The following CDH4 variants were observed in gnomAD, a reference collection of about 807,000 sequenced individuals.
The protein encoded by CDH4 is cadherin-4.
Under a neutral mutation model 86.0 loss-of-function variants are expected in CDH4, and 33 were observed. The ratio of observed to expected loss-of-function variants is 0.38; its 90% CI spans 0.29 to 0.51. CDH4 has a LOEUF of 0.51. Ranked by LOEUF, CDH4 falls within the 20% of genes least tolerant of loss-of-function variation. The pLI, the probability that CDH4 is intolerant of heterozygous loss-of-function variation, is 0.86. For synonymous variants in CDH4, 555 were observed against 549.4 expected, an observed-to-expected ratio of 1.01 and a Z score of -0.14; for missense variants, 1,114 against 1,307.4, an observed-to-expected ratio of 0.85 and a Z score of 2.28.
At chr20:61,735,885 C>G (rs1453542688) in intron 2 of CDH4, among the ~76,000 whole-genome samples, 1 of 152,154 alleles carries the variant, frequency 6.6e-6, no homozygotes, top group African/African-American at 2.4e-5. Context: ...TCTTTGCAGC[C>G]AAATATTGAG....
At chr20:61,890,782 T>C (rs1043372480) in intron 7 of CDH4, among the ~76,000 whole-genome samples, 1 of 152,158 alleles carries the variant, frequency 6.6e-6, no homozygotes, top group African/African-American at 2.4e-5. Flanking sequence ...TCTTGGTAAA[T>C]GTCAGCTCTG....
In CDH4 at chr20:61,709,928, T is replaced by C. The variant is rs2087871686; in HGVS notation, c.170-33635T>C. Among the ~76,000 whole-genome samples, 2 of 152,342 alleles carry C rather than the reference T, an allele frequency of 1.3e-5. No homozygotes were observed. Among genetic ancestry groups the C allele is most frequent in the South Asian group, 4.1e-4 (2 of 4,824 alleles). ...TTTTGTAGCCGTGTGAGAGTTTTTT[T>C]CATTAGCGGGATCGGGCAAGACCAT... On this transcript the variant is annotated intron_variant, in intron 2 of 15. Coordinates refer to ENST00000614565, the MANE Select transcript of CDH4 (RefSeq NM_001794.5). This position sits in a 1 kb window ranked among gnomAD's most constrained non-coding sequence, Gnocchi z 4.8.
At chr20:61,674,901 A>G (rs2087429598) in intron 2 of CDH4, among the ~76,000 whole-genome samples, 1 of 152,234 alleles carries the variant, frequency 6.6e-6, no homozygotes, top group South Asian at 2.1e-4. Flanking sequence ...TTTTATTGGC[A>G]CACAGCCATA....
At chr20:61,792,494 C>T (rs768474267) in intron 4 of CDH4, among the ~76,000 whole-genome samples, 1 of 152,300 alleles carries the variant, frequency 6.6e-6, no homozygotes, top group Non-Finnish European at 1.5e-5. Flanking sequence ...TTCCCGGGCT[C>T]TGTGTTCAGC....
chr20:61,625,720 C>T (rs1300389487), intron 2 of CDH4, among the ~76,000 whole-genome samples: 3 of 152,178 alleles, frequency 2.0e-5, no homozygotes, highest in African/African-American at 7.2e-5. Context: ...AAATTAATGT[C>T]GTAACAGACC....
At chr20:61,335,135 C>T (rs60153086) in intron 2 of CDH4, among the ~76,000 whole-genome samples, 6,636 of 152,220 alleles carry the variant, frequency 0.044, 188 homozygotes, top group Middle Eastern at 0.088. Flanking sequence ...GGAGGTCTCG[C>T]GGCCATTGAC....
chr20:61,748,912 T>C (rs1452700446), intron 3 of CDH4, among the ~76,000 whole-genome samples: 1 of 71,490 alleles, frequency 1.4e-5, no homozygotes, highest in South Asian at 6.3e-4. Context: ...ACAGAATAGA[T>C]GGGCTACACA....
chr20:61,453,314 G>T (rs577726890), intron 2 of CDH4, among the ~76,000 whole-genome samples: 8 of 152,268 alleles, frequency 5.3e-5, no homozygotes, highest in African/African-American at 1.9e-4. Flanking sequence ...GAAGGAACTC[G>T]CATTGCACTT....
chr20:61,668,432 T>C (rs1193248118), intron 2 of CDH4, among the ~76,000 whole-genome samples: 1 of 152,166 alleles, frequency 6.6e-6, no homozygotes, highest in Non-Finnish European at 1.5e-5. Context: ...TGAATCCAGA[T>C]TTTAGAAGCC....
chr20:61,737,658 C>T lies in CDH4; in HGVS notation c.170-5905C>T, dbSNP rs570723357. Among the ~76,000 whole-genome samples the T allele has an allele frequency of 7.2e-5, 11 of 152,302 alleles. No individual in the cohort carries two copies. The South Asian group carries it at 2.3e-3, about 32-fold the overall frequency. On this transcript the variant is annotated intron_variant, in intron 2 of 15. Transcript: ENST00000614565. ...TGTGACCTTGGCTGGGTGCCTTGCT[C>T]CCTGGTGCCATGTCCATGCCACTGA...
At chr20:61,334,571 G>A (rs542002449) in intron 2 of CDH4, among the ~76,000 whole-genome samples, 8 of 152,286 alleles carry the variant, frequency 5.3e-5, no homozygotes, top group South Asian at 4.1e-4. Flanking sequence ...TTCCCTGACC[G>A]TGCCTGTTGC....
At position 61,681,489 on chromosome 20, in the gene CDH4, G is replaced by A. The variant is rs973951966; in HGVS notation, c.170-62074G>A. Among the ~76,000 whole-genome samples, 1 of 152,150 alleles carries A rather than the reference G, an allele frequency of 6.6e-6. No individual in the cohort carries two copies. Among genetic ancestry groups the A allele is most frequent in the African/African-American group, 2.4e-5 (1 of 41,430 alleles). On this transcript the variant is annotated intron_variant, in intron 2 of 15. Transcript: ENST00000614565. The surrounding 1 kb of genome is among the most constrained non-coding windows in gnomAD (Gnocchi z 4.5). ...TCTGAGCTCTTGTTCTGAGGGGTGG[G>A]AGAATTAGACAATCCTTGGAACTTG...
Position 61,800,281 on chromosome 20 carries a change from G to C in CDH4, c.576+27099G>C, listed in dbSNP as rs571682328. Among the ~76,000 whole-genome samples the C allele has an allele frequency of 2.8e-4, 43 of 151,270 alleles. 1 individual carries two copies. Among genetic ancestry groups the C allele is most frequent in the Non-Finnish European group, 5.6e-4 (38 of 68,020 alleles). ...TTCTGGGAAGCTGCCCGGCCGCCAGGGGGGCAGAGCTCCTCGCCCCATGAC... is the reference window on the plus strand; with the variant it reads ...TTCTGGGAAGCTGCCCGGCCGCCAGCGGGGCAGAGCTCCTCGCCCCATGAC... On this transcript the variant is annotated intron_variant, in intron 4 of 15. Coordinates refer to ENST00000614565, the MANE Select transcript of CDH4 (RefSeq NM_001794.5).
At chr20:61,389,239 T>C (rs759277395) in intron 2 of CDH4, among the ~76,000 whole-genome samples, 39 of 152,186 alleles carry the variant, frequency 2.6e-4, no homozygotes, top group Non-Finnish European at 4.9e-4. Context: ...CTCCTCTTGC[T>C]CTTGGGCGGC....
At chr20:61,512,383 T>G (rs1176129168) in intron 2 of CDH4, among the ~76,000 whole-genome samples, 1 of 152,186 alleles carries the variant, frequency 6.6e-6, no homozygotes, top group Non-Finnish European at 1.5e-5. Flanking sequence ...GACCCGATCA[T>G]TTCAATCGAC....
chr20:61,257,371 A>C, intron 2 of CDH4, among the ~76,000 whole-genome samples: 1 of 152,258 alleles, frequency 6.6e-6, no homozygotes, highest in Non-Finnish European at 1.5e-5. Context: ...AAGCATTTGC[A>C]TTCTAAAAAT....
In CDH4 at chr20:61,680,268, C is replaced by T. The variant is rs66982649; in HGVS notation, c.170-63295C>T. Among the ~76,000 whole-genome samples, 2,990 of 152,308 alleles carry T rather than the reference C, an allele frequency of 0.02. 175 individuals carry two copies. The East Asian group carries it at 0.24, about 12-fold the overall frequency. Reference sequence around the variant, plus strand: ...TCAGGATCCAGACCATAAGGAGGGACAGGGTGCCAGGCTGGGACTAAGACG... The same window carrying T: ...TCAGGATCCAGACCATAAGGAGGGATAGGGTGCCAGGCTGGGACTAAGACG... On this transcript the variant is annotated intron_variant, in intron 2 of 15. Coordinates refer to ENST00000614565, the MANE Select transcript of CDH4 (RefSeq NM_001794.5).
intron 2 of CDH4, among the ~76,000 whole-genome samples, chr20:61,333,459 C>T (rs1378305230): frequency 6.6e-6 from 1 of 152,194 alleles, no homozygotes; most frequent in Non-Finnish European, 1.5e-5. Context: ...CTACAAAGGT[C>T]ACCAGATAAT....
chr20:61,771,032 C>T (rs1181493415), intron 3 of CDH4, among the ~76,000 whole-genome samples: 1 of 121,470 alleles, frequency 8.2e-6, no homozygotes, highest in African/African-American at 3.2e-5. Context: ...TTTTTTGAGA[C>T]AGAGTTTCGC....
Sources: gnomAD v4.1 joint callset for allele counts (sites outside exome capture counted in the v4.1 genomes callset) on GRCh38, gnomAD v4.1.1 for gene constraint, Gnocchi (gnomAD v3.1) non-coding constraint, MANE v1.5 for transcripts, NCBI Gene and HGNC (gene_info 2026-07-23, HGNC 2026-07-21) for gene names.